Variants in BMF observed in about 807,000 individuals in gnomAD.
BMF encodes bcl-2-modifying factor.
Under a neutral mutation model 22.0 loss-of-function variants are expected in BMF, and 10 were observed. The observed-to-expected ratio is 0.45, with a 90% CI of 0.28 to 0.77. The LOEUF is 0.77. Ranked by LOEUF, BMF falls within the 30% of genes least tolerant of loss-of-function variation. The probability of loss-of-function intolerance (pLI) is 0.13; values close to 1 mark genes in which losing one functional copy is unlikely to be tolerated. For missense variants in BMF, 206 were observed against 226.8 expected (o/e 0.91, Z 0.59); for synonymous variants, 87 against 88.1 (o/e 0.99, Z 0.07).
At chr15:40,101,569 A>G (rs1221178319) in intron 4 of BMF, among the ~76,000 whole-genome samples, 1 of 152,216 alleles carries the variant, frequency 6.6e-6, no homozygotes, top group Non-Finnish European at 1.5e-5. Flanking sequence ...ATAAAGGATA[A>G]GAATGGAGGA....
At position 40,107,140 on chromosome 15, in the gene BMF, G is replaced by C. The variant is rs532395181; in HGVS notation, c.-5-1049C>G. Among the ~76,000 whole-genome samples, 3 of 152,212 alleles carry C rather than the reference G, an allele frequency of 2.0e-5. No homozygotes were observed. In the East Asian group the frequency reaches 5.8e-4, roughly 29 times the overall value. Reference sequence around the variant, plus strand: ...CTCAGCATCTTAAGCTTCCAACCCAGCTCCCTACACATACCAGGAACTGCT... The same window carrying C: ...CTCAGCATCTTAAGCTTCCAACCCACCTCCCTACACATACCAGGAACTGCT... On this transcript the variant is annotated intron_variant, in intron 2 of 4. Coordinates refer to ENST00000354670, the MANE Select transcript of BMF (RefSeq NM_001003940.2).
In BMF at chr15:40,089,953, T is replaced by C. The variant is rs1156921168; in HGVS notation, c.*1834A>G. The C allele has an allele frequency of 2.0e-5, 3 of 152,644 alleles. No homozygotes were observed. Among genetic ancestry groups the C allele is most frequent in the South Asian group, 2.1e-4 (1 of 4,834 alleles). The allele number at this position is 152,644 out of a possible 1,614,324, so 9.5% of individuals were successfully genotyped here. On this transcript the variant is annotated 3_prime_UTR_variant, in exon 5 of 5. Coordinates refer to ENST00000354670, the MANE Select transcript of BMF (RefSeq NM_001003940.2). The stretch of plus-strand genomic sequence containing the variant: ...CAAATCATGGTACACACCCTGAGAA[T>C]AGAATTCTGACCAAGAAGAGGTAAT...
chr15:40,096,246 C>T (rs1354177881), intron 4 of BMF, among the ~76,000 whole-genome samples: 2 of 149,692 alleles, frequency 1.3e-5, no homozygotes, highest in Non-Finnish European at 3.0e-5. Context: ...TCATCCCACA[C>T]AGCCTCTGCC....
intron 4 of BMF, among the ~76,000 whole-genome samples, chr15:40,100,899 G>C (rs954942896): frequency 6.6e-6 from 1 of 152,136 alleles, no homozygotes; most frequent in Non-Finnish European, 1.5e-5. Context: ...GGACAAAAAG[G>C]GGGAGTGCAC....
rs1050361011 is a variant in BMF at position 40,099,838 on chromosome 15, A to G, written c.453+4342T>C. 5.9e-5 allele frequency among the ~76,000 whole-genome samples: 9 copies of G among 151,768 alleles called. 1 individual carries two copies. The highest frequency in any genetic ancestry group is 1.5e-4 in the African/African-American group (6 of 41,292). On this transcript the variant is annotated intron_variant, in intron 4 of 4. Coordinates refer to ENST00000354670, the MANE Select transcript of BMF (RefSeq NM_001003940.2). ...GATTACATGATTTGCCCACGAACAC[A>G]TAACTTATAAGTGGCAGAGCTGGGA...
At chr15:40,097,899 T>G (rs971815948) in intron 4 of BMF, among the ~76,000 whole-genome samples, 1 of 152,214 alleles carries the variant, frequency 6.6e-6, no homozygotes, top group African/African-American at 2.4e-5. Flanking sequence ...GCTTTGAGAC[T>G]GCCCACAGCA....
chr15:40,088,110 T>TATCGA lies in BMF; in HGVS notation c.*3676_*3677insTCGAT, dbSNP rs1454834492. ...GATGAACAAAATGCTACATTCTCAC[T>TATCGA]GGGTCTCCTCGATAGCCCCTGTGGA... On this transcript the variant is annotated 3_prime_UTR_variant, in exon 5 of 5. Coordinates refer to ENST00000354670, the MANE Select transcript of BMF (RefSeq NM_001003940.2). The TATCGA allele has an allele frequency of 6.6e-6, 1 of 152,608 alleles. No individual in the cohort carries two copies. Among genetic ancestry groups the TATCGA allele is most frequent in the Non-Finnish European group, 1.5e-5 (1 of 68,036 alleles). The allele number at this position is 152,608 out of a possible 1,614,324, so 9.5% of individuals were successfully genotyped here.
At position 40,104,357 on chromosome 15, in the gene BMF, T is replaced by A. The variant is rs1466222571; in HGVS notation, c.293-17A>T. On this transcript the variant is annotated splice_polypyrimidine_tract_variant and intron_variant, in intron 3 of 4. Coordinates refer to ENST00000354670, the MANE Select transcript of BMF (RefSeq NM_001003940.2). ...CAGCATTGCCTGCAAAGATAGAGGA[T>A]CCACATCTCAGCATTCTCCACAACT... 6.2e-7 allele frequency: 1 copy of A among 1,613,436 alleles called. No homozygotes were observed. Among genetic ancestry groups the A allele is most frequent in the East Asian group, 2.2e-5 (1 of 44,888 alleles).
Position 40,087,989 on chromosome 15 carries a change from C to G in BMF, c.*3798G>C, listed in dbSNP as rs183226733. 1.3e-5 allele frequency: 2 copies of G among 152,470 alleles called. No individual in the cohort carries two copies. The highest frequency in any genetic ancestry group is 1.3e-4 in the Admixed American group (2 of 15,302). The allele number at this position is 152,470 out of a possible 1,614,324, so 9.4% of individuals were successfully genotyped here. ...ATGTGAAGAACATAAACACATAAAG[C>G]CAAAGGCTCTGTACAGTTTTTTAAA... On this transcript the variant is annotated 3_prime_UTR_variant, in exon 5 of 5. Transcript: ENST00000354670.
chr15:40,104,990 C>G (rs34245505), intron 3 of BMF, among the ~76,000 whole-genome samples: 21,065 of 152,172 alleles, frequency 0.14, 1,896 homozygotes, highest in Non-Finnish European at 0.2. Flanking sequence ...CCGGGCTCCT[C>G]GCTCCTTTCC....
At position 40,088,293 on chromosome 15, in the gene BMF, CAA is replaced by C. The variant is rs2036171160; in HGVS notation, c.*3492_*3493del. 6.6e-6 allele frequency: 1 copy of C among 152,272 alleles called. No homozygotes were observed. Among genetic ancestry groups the C allele is most frequent in the South Asian group, 2.1e-4 (1 of 4,832 alleles). The allele number at this position is 152,272 out of a possible 1,614,324, so 9.4% of individuals were successfully genotyped here. A position where few individuals can be genotyped will look rare whatever the true frequency, so the allele number is the denominator to read the frequency against. On this transcript the variant is annotated 3_prime_UTR_variant, in exon 5 of 5. Transcript: ENST00000354670. Reference sequence around the variant, plus strand: ...CTTTTTCCGCTATCCCCTCAAGACTCAAAAGTCCCCACCAGCCCTCAGGCTGC... The same window carrying C: ...CTTTTTCCGCTATCCCCTCAAGACTCAAGTCCCCACCAGCCCTCAGGCTGC...
intron 4 of BMF, among the ~76,000 whole-genome samples, chr15:40,098,271 G>C (rs1242178726): frequency 4.6e-5 from 7 of 152,158 alleles, no homozygotes. Context: ...GGTACGGTTC[G>C]GGGACAGAGC....
rs1299227279 is a variant in BMF at position 40,106,302 on chromosome 15, C to T, written c.-5-211G>A. ...TGCCTGAATGTTCAGGGGCTCTCCA[C>T]ACCTCTTCCCTGGGCCCGCCTGGAA... On this transcript the variant is annotated intron_variant, in intron 2 of 4. Coordinates refer to ENST00000354670, the MANE Select transcript of BMF (RefSeq NM_001003940.2). This position sits in a 1 kb window ranked among gnomAD's most constrained non-coding sequence, Gnocchi z 4.1. 2 of 510,950 alleles carry T rather than the reference C, an allele frequency of 3.9e-6. No homozygotes were observed. The highest frequency in any genetic ancestry group is 6.5e-6 in the Non-Finnish European group (2 of 305,804). 31.7% of individuals were successfully genotyped at this position (510,950 alleles called of 1,614,324 possible).
In BMF at chr15:40,088,491, T is replaced by A. The variant is rs1468367347; in HGVS notation, c.*3296A>T. On this transcript the variant is annotated 3_prime_UTR_variant, in exon 5 of 5. Transcript: ENST00000354670. Reference sequence around the variant, plus strand: ...GTCTTCCCGCTTCTGCCACGTCCCTTCTGCCTACCCCACCTCCCCATCAAG... The same window carrying A: ...GTCTTCCCGCTTCTGCCACGTCCCTACTGCCTACCCCACCTCCCCATCAAG... 1.3e-5 allele frequency: 2 copies of A among 152,426 alleles called. No homozygotes were observed. Among genetic ancestry groups the A allele is most frequent in the African/African-American group, 4.8e-5 (2 of 41,470 alleles). 9.4% of individuals were successfully genotyped at this position (152,426 alleles called of 1,614,324 possible).
chr15:40,096,944 T>C (rs904151898), intron 4 of BMF, among the ~76,000 whole-genome samples: 2 of 152,180 alleles, frequency 1.3e-5, no homozygotes, highest in Admixed American at 1.3e-4. Context: ...AAATGCAGAA[T>C]TGTCTATACT....
chr15:40,088,327 G>T lies in BMF; in HGVS notation c.*3460C>A, dbSNP rs1015717081. 5 of 152,258 alleles carry T rather than the reference G, an allele frequency of 3.3e-5. No individual in the cohort carries two copies. Among genetic ancestry groups the T allele is most frequent in the African/African-American group, 1.2e-4 (5 of 41,450 alleles). The allele number at this position is 152,258 out of a possible 1,614,324, so 9.4% of individuals were successfully genotyped here. On this transcript the variant is annotated 3_prime_UTR_variant, in exon 5 of 5. Transcript: ENST00000354670. The stretch of plus-strand genomic sequence containing the variant: ...CCACCAGCCCTCAGGCTGCCTAAGG[G>T]TGACAGGTGAGCCCCTTCCTGCTAG...
At chr15:40,108,445 T>G (rs925236514) in intron 1 of BMF, 59 bp from the exon 2 acceptor site, 5 of 152,656 alleles carry the variant, frequency 3.3e-5, no homozygotes, top group African/African-American at 1.2e-4. Flanking sequence ...ACAGCTCCTG[T>G]CCTATCCCAA....
intron 4 of BMF, among the ~76,000 whole-genome samples, chr15:40,098,355 C>G (rs2036407842): frequency 6.6e-6 from 1 of 152,070 alleles, no homozygotes; most frequent in Admixed American, 6.5e-5. Context: ...TACTGAGACC[C>G]TTACTCAGTT....
At chr15:40,097,629 C>T (rs190961463) in intron 4 of BMF, among the ~76,000 whole-genome samples, 1 of 152,300 alleles carries the variant, frequency 6.6e-6, no homozygotes, top group African/African-American at 2.4e-5. Flanking sequence ...TTCTCTGAGC[C>T]TCAGTTTCCT....
Sources: gnomAD v4.1 joint callset for allele counts (sites outside exome capture counted in the v4.1 genomes callset) on GRCh38, gnomAD v4.1.1 for gene constraint, Gnocchi (gnomAD v3.1) non-coding constraint, MANE v1.5 for transcripts, NCBI Gene and HGNC (gene_info 2026-07-23, HGNC 2026-07-21) for gene names.